CFAP58: variants seen among roughly 807,000 people sequenced by gnomAD.
The protein encoded by CFAP58 is cilia and flagella associated protein 58, also known as cilia- and flagella-associated protein 58.
CFAP58 carries 88 observed loss-of-function variants against 119.5 expected under a neutral mutation model. The ratio of observed to expected loss-of-function variants is 0.74; its 90% CI spans 0.62 to 0.88. The LOEUF (loss-of-function observed/expected upper bound fraction) is 0.88, where lower values mean the gene tolerates loss of function less well. CFAP58 is among the 40% of genes least tolerant of loss of function. The pLI, the probability that CFAP58 is intolerant of heterozygous loss-of-function variation, is 0.00. For missense variants in CFAP58, 990 were observed against 1,021.2 expected, an observed-to-expected ratio of 0.97 and a Z score of 0.42; for synonymous variants, 365 against 366.3, an observed-to-expected ratio of 1.00 and a Z score of 0.04.
intron 6 of CFAP58, 48 bp from the exon 7 acceptor site, chr10:104,370,847 G>C (rs762273849): frequency 6.5e-7 from 1 of 1,542,676 alleles, no homozygotes. Flanking sequence ...CCAGTTCCTG[G>C]CTCTTCATTT....
intron 1 of CFAP58, among the ~76,000 whole-genome samples, chr10:104,357,804 C>CATATATGT (rs1564875299): frequency 2.7e-5 from 4 of 147,512 alleles, no homozygotes; most frequent in African/African-American, 1.0e-4. Flanking sequence ...TATATATACA[C>CATATATGT]ACATATATAT....
chr10:104,379,921 C>T (rs892576163), intron 8 of CFAP58, 108 bp from the exon 9 acceptor site: 2 of 967,348 alleles, frequency 2.1e-6, no homozygotes, highest in African/African-American at 3.3e-5. Flanking sequence ...TTTTATTCAT[C>T]CAAAAGACAA....
chr10:104,371,186 T>C (rs939431290), intron 7 of CFAP58, 132 bp downstream of exon 7: 1 of 799,852 alleles, frequency 1.3e-6, no homozygotes, highest in East Asian at 3.1e-5. Context: ...CTCACACTGG[T>C]AAACAGTCAA....
chr10:104,371,223 T>C (rs1589912008), intron 7 of CFAP58, among the ~76,000 whole-genome samples, 169 bp downstream of exon 7: 1 of 152,174 alleles, frequency 6.6e-6, no homozygotes, highest in East Asian at 1.9e-4. Flanking sequence ...GGGCATCATT[T>C]TGAACACCTT....
intron 15 of CFAP58, among the ~76,000 whole-genome samples, chr10:104,443,975 C>T (rs11192063): frequency 1.3e-5 from 2 of 152,168 alleles, no homozygotes; most frequent in Non-Finnish European, 2.9e-5. Context: ...CATCTGATGG[C>T]CTGTCCAACG....
At chr10:104,428,924 A>G (rs1328127932) in intron 15 of CFAP58, among the ~76,000 whole-genome samples, 1 of 152,238 alleles carries the variant, frequency 6.6e-6, no homozygotes, top group Non-Finnish European at 1.5e-5. Context: ...TCCCAAAGAC[A>G]GTTCTGAAGA....
the CFAP58 span, among the ~76,000 whole-genome samples, chr10:104,339,823 A>ACTT: frequency 6.6e-6 from 1 of 152,044 alleles, no homozygotes; most frequent in South Asian, 2.1e-4. Context: ...ATCTGGGGAA[A>ACTT]CGGTCTTGAA....
upstream of CFAP58, chr10:104,353,472 G>A (rs1372915879): frequency 5.6e-6 from 1 of 177,816 alleles, no homozygotes; most frequent in African/African-American, 2.4e-5. Context: ...CCAAGCGTTA[G>A]TCCTCGGCTC....
intron 16 of CFAP58, 46 bp downstream of exon 16, chr10:104,447,863 T>C (rs778387267): frequency 9.0e-6 from 14 of 1,547,788 alleles, no homozygotes; most frequent in Middle Eastern, 2.0e-4. Flanking sequence ...GCAGCCACAC[T>C]CTGGGGAGCA....
At chr10:104,394,676 T>C (rs1455868477) in intron 11 of CFAP58, among the ~76,000 whole-genome samples, 1 of 152,232 alleles carries the variant, frequency 6.6e-6, no homozygotes, top group African/African-American at 2.4e-5. Flanking sequence ...TATTTACCTG[T>C]CTCAGACATT....
In CFAP58 at chr10:104,400,786, G is replaced by A. The variant is rs773347315; in HGVS notation, c.1922G>A (p.Gly641Glu). 8 of 1,614,002 alleles carry A rather than the reference G, an allele frequency of 5.0e-6. No homozygotes were observed. The Admixed American group carries it at 8.3e-5, about 17-fold the overall frequency. ...ATCCAACAGTCTGTGCTGAATAAAGGGGAGAGCCAGTACAACCAGAGGTTG... is the reference window on the plus strand; with the variant it reads ...ATCCAACAGTCTGTGCTGAATAAAGAGGAGAGCCAGTACAACCAGAGGTTG... ...IKIQQSVLNKGESQYNQRLED... is the reference protein window; with the variant it reads ...IKIQQSVLNKEESQYNQRLED... Residue 641 changes from glycine (G) to glutamate (E), a missense_variant, in exon 13 of 18, where the codon GGG becomes GAG. Gly to Glu is a moderately conservative substitution (Grantham distance 98, BLOSUM62 -2). Transcript: ENST00000369704.
intron 9 of CFAP58, among the ~76,000 whole-genome samples, chr10:104,385,038 C>T (rs889784745): frequency 1.3e-5 from 2 of 152,138 alleles, no homozygotes; most frequent in Non-Finnish European, 1.5e-5. Context: ...CTCAAACCTC[C>T]GGTGGCAAAT....
intron 15 of CFAP58, among the ~76,000 whole-genome samples, chr10:104,415,860 C>A (rs941699469): frequency 1.3e-5 from 2 of 152,310 alleles, no homozygotes; most frequent in East Asian, 3.9e-4. Flanking sequence ...TGCCAGGAAC[C>A]AGATGACATG....
intron 15 of CFAP58, among the ~76,000 whole-genome samples, chr10:104,427,833 A>G (rs903709974): frequency 6.6e-6 from 1 of 152,106 alleles, no homozygotes; most frequent in Non-Finnish European, 1.5e-5. Flanking sequence ...TGGCTGGTGT[A>G]TATGGAGGTG....
At chr10:104,350,972 T>C (rs904899295), upstream of CFAP58, among the ~76,000 whole-genome samples, 1 of 152,222 alleles carries the variant, frequency 6.6e-6, no homozygotes, top group Non-Finnish European at 1.5e-5. Flanking sequence ...GTGCAACGTA[T>C]GGGTGACCAG....
At chr10:104,377,003 A>AT in intron 8 of CFAP58, 110 bp downstream of exon 8, 7 of 743,410 alleles carry the variant, frequency 9.4e-6, no homozygotes, top group Non-Finnish European at 1.6e-5. Flanking sequence ...ACAAAAGTGG[A>AT]TTAGAATAAA....
chr10:104,450,834 G>A (rs1410719082), intron 17 of CFAP58, among the ~76,000 whole-genome samples: 1 of 151,798 alleles, frequency 6.6e-6, no homozygotes, highest in African/African-American at 2.4e-5. Context: ...GTGAGCCATG[G>A]TGTCCTGCCT....
intron 15 of CFAP58, among the ~76,000 whole-genome samples, chr10:104,444,926 G>GT (rs2013090801): frequency 1.3e-5 from 2 of 152,294 alleles, no homozygotes; most frequent in South Asian, 4.1e-4. Context: ...AGCTTTAGTG[G>GT]TAATTCAGTT....
chr10:104,340,304 T>C, the CFAP58 span, among the ~76,000 whole-genome samples: 1 of 152,222 alleles, frequency 6.6e-6, no homozygotes, highest in African/African-American at 2.4e-5. Flanking sequence ...ATATGCTGTT[T>C]GCATGATATG....
Sources: allele counts gnomAD v4.1 joint callset (sites outside exome capture counted in the v4.1 genomes callset), GRCh38; gene constraint gnomAD v4.1.1; transcripts MANE v1.5; gene names NCBI Gene and HGNC (gene_info 2026-07-23, HGNC 2026-07-21).